JMY: variants seen among roughly 807,000 people sequenced by gnomAD.
JMY encodes junction-mediating and -regulatory protein.
Under a neutral mutation model 103.3 loss-of-function variants are expected in JMY, and 46 were observed. The observed-to-expected ratio is 0.45, with a 90% CI of 0.35 to 0.57. JMY has a LOEUF of 0.57. Among genes scored for constraint, JMY ranks in the 20% least tolerant of loss-of-function variants. The pLI is 0.00. For synonymous variants in JMY, 526 were observed against 489.3 expected, an observed-to-expected ratio of 1.07 and a Z score of -0.99; for missense variants, 1,238 against 1,255.2, an observed-to-expected ratio of 0.99 and a Z score of 0.21.
intron 2 of JMY, among the ~76,000 whole-genome samples, chr5:79,285,281 C>T (rs903434435): frequency 6.7e-6 from 1 of 149,122 alleles, no homozygotes; most frequent in Admixed American, 6.6e-5. Context: ...GCACCCCCTG[C>T]CCCCCACCCG....
At chr5:79,268,102 G>A (rs968784644) in intron 1 of JMY, among the ~76,000 whole-genome samples, 1 of 152,130 alleles carries the variant, frequency 6.6e-6, no homozygotes, top group African/African-American at 2.4e-5. Flanking sequence ...AAATTAGTGG[G>A]TGTGGTGGTG....
intron 4 of JMY, among the ~76,000 whole-genome samples, chr5:79,293,692 T>C (rs985332842): frequency 2.0e-5 from 3 of 152,238 alleles, no homozygotes; most frequent in African/African-American, 7.2e-5. Context: ...TCTCAAATTA[T>C]CTATATCTGA....
chr5:79,239,372 C>A (rs1345333821), intron 1 of JMY, among the ~76,000 whole-genome samples: 1 of 152,158 alleles, frequency 6.6e-6, no homozygotes, highest in Non-Finnish European at 1.5e-5. Flanking sequence ...TTAATATTGA[C>A]CTGTATTTCT....
Position 79,327,039 on chromosome 5 carries a change from G to T in JMY, c.*5437G>T, listed in dbSNP as rs1363840223. On this transcript the variant is annotated 3_prime_UTR_variant, in exon 11 of 11. Coordinates refer to ENST00000396137, the MANE Select transcript of JMY (RefSeq NM_152405.5). ...AGTGCAGCTTTTCTGCATTGTAATT[G>T]TATTGCTTTGTATTTCATGTTTTTT... The T allele has an allele frequency of 1.3e-5, 2 of 152,118 alleles. No individual in the cohort carries two copies. Among genetic ancestry groups the T allele is most frequent in the African/African-American group, 4.8e-5 (2 of 41,418 alleles). The allele number at this position is 152,118 out of a possible 1,614,324, so 9.4% of individuals were successfully genotyped here.
intron 1 of JMY, among the ~76,000 whole-genome samples, chr5:79,247,530 G>A (rs952452899): frequency 2.6e-5 from 4 of 151,990 alleles, no homozygotes; most frequent in South Asian, 2.1e-4. Context: ...TTGCCCATGC[G>A]GGTCTCAGTC....
intron 1 of JMY, among the ~76,000 whole-genome samples, chr5:79,264,275 TG>T (rs1745514684): frequency 6.6e-6 from 1 of 151,804 alleles, no homozygotes; most frequent in African/African-American, 2.4e-5. Flanking sequence ...TTAGTAGAGG[TG>T]GGGTTTTACT....
intron 4 of JMY, among the ~76,000 whole-genome samples, chr5:79,294,091 AGAT>A (rs762227810): frequency 4.6e-5 from 7 of 152,208 alleles, no homozygotes; most frequent in East Asian, 1.9e-4. Context: ...TAATTGAAAT[AGAT>A]GATGATAAAA....
At chr5:79,297,537 C>G (rs544234756) in intron 4 of JMY, among the ~76,000 whole-genome samples, 1 of 152,296 alleles carries the variant, frequency 6.6e-6, no homozygotes, top group South Asian at 2.1e-4. Flanking sequence ...CTCTTCATGC[C>G]TTATACTAAG....
chr5:79,238,105 T>G (rs1038639751), intron 1 of JMY, among the ~76,000 whole-genome samples: 2 of 152,214 alleles, frequency 1.3e-5, no homozygotes, highest in Non-Finnish European at 2.9e-5. Context: ...GGAGCAAAGT[T>G]GATCTGTTTT....
Position 79,324,641 on chromosome 5 carries a change from A to G in JMY, c.*3039A>G, listed in dbSNP as rs537001621. The G allele has an allele frequency of 6.6e-6, 1 of 152,222 alleles. No homozygotes were observed. The highest frequency in any genetic ancestry group is 1.5e-5 in the Non-Finnish European group (1 of 68,030). The allele number at this position is 152,222 out of a possible 1,614,324, so 9.4% of individuals were successfully genotyped here. ...AAATCATTGTGTATATTACAGCAGTATGAGGAATGCCTGGCTAAAGAGGAT... is the reference window on the plus strand; with the variant it reads ...AAATCATTGTGTATATTACAGCAGTGTGAGGAATGCCTGGCTAAAGAGGAT... On this transcript the variant is annotated 3_prime_UTR_variant, in exon 11 of 11. Transcript: ENST00000396137.
chr5:79,276,707 A>G (rs992661330), intron 1 of JMY, among the ~76,000 whole-genome samples: 6 of 151,996 alleles, frequency 3.9e-5, no homozygotes, highest in Non-Finnish European at 8.8e-5. Flanking sequence ...CCCGGGTTCA[A>G]TTGATTCTCC....
At chr5:79,275,211 A>T (rs1340505385) in intron 1 of JMY, among the ~76,000 whole-genome samples, 2 of 139,922 alleles carry the variant, frequency 1.4e-5, no homozygotes, top group African/African-American at 2.7e-5. Context: ...ACCAGGCTGG[A>T]GTGCAGTGGC....
At chr5:79,299,985 C>CATATATAT (rs10640258) in intron 4 of JMY, among the ~76,000 whole-genome samples, 168 bp from the exon 5 acceptor site, 2 of 149,382 alleles carry the variant, frequency 1.3e-5, no homozygotes, top group African/African-American at 2.5e-5. Flanking sequence ...CTGTTTTATA[C>CATATATAT]ATATATATAT....
intron 9 of JMY, among the ~76,000 whole-genome samples, chr5:79,315,740 A>G (rs750870720): frequency 3.3e-5 from 5 of 152,198 alleles, no homozygotes; most frequent in Admixed American, 1.3e-4. Flanking sequence ...CCAGTTCCCA[A>G]TCTGGTCACT....
At chr5:79,280,288 C>G (rs541462032) in intron 2 of JMY, among the ~76,000 whole-genome samples, 151 of 152,316 alleles carry the variant, frequency 9.9e-4, no homozygotes, top group African/African-American at 3.4e-3. Context: ...TAGCACAGCA[C>G]TGACTATCCA....
Position 79,324,714 on chromosome 5 carries a change from G to A in JMY, c.*3112G>A, listed in dbSNP as rs1747575366. The stretch of plus-strand genomic sequence containing the variant: ...TTTGCTTGTATTATATAGGCTTACT[G>A]AGTTTGTGAGCAGCATAAAAACAAT... On this transcript the variant is annotated 3_prime_UTR_variant, in exon 11 of 11. Coordinates refer to ENST00000396137, the MANE Select transcript of JMY (RefSeq NM_152405.5). 6.6e-6 allele frequency: 1 copy of A among 152,214 alleles called. No homozygotes were observed. Among genetic ancestry groups the A allele is most frequent in the African/African-American group, 2.4e-5 (1 of 41,440 alleles). 9.4% of individuals were successfully genotyped at this position (152,214 alleles called of 1,614,324 possible). A position where few individuals can be genotyped will look rare whatever the true frequency, so the allele number is the denominator to read the frequency against.
chr5:79,239,556 C>T (rs1050916647), intron 1 of JMY, among the ~76,000 whole-genome samples: 20 of 151,998 alleles, frequency 1.3e-4, no homozygotes, highest in African/African-American at 4.1e-4. Context: ...CCTGTAATCC[C>T]AACACTTTGG....
intron 4 of JMY, 58 bp from the exon 5 acceptor site, chr5:79,300,095 A>G: frequency 7.0e-7 from 1 of 1,423,154 alleles, no homozygotes; most frequent in Non-Finnish European, 9.9e-7. Context: ...TTTTAATACT[A>G]ACTCAATTTT....
At chr5:79,249,888 C>G (rs1332752766) in intron 1 of JMY, among the ~76,000 whole-genome samples, 8 of 152,128 alleles carry the variant, frequency 5.3e-5, no homozygotes, top group Non-Finnish European at 1.0e-4. Flanking sequence ...GGGTTCATAC[C>G]TCACTTCTAC....
Sources: allele counts gnomAD v4.1 joint callset (sites outside exome capture counted in the v4.1 genomes callset), GRCh38; gene constraint gnomAD v4.1.1; transcripts MANE v1.5; gene names NCBI Gene and HGNC (gene_info 2026-07-23, HGNC 2026-07-21).